Variants in EML4 observed in about 807,000 individuals in gnomAD.
EML4 encodes the protein echinoderm microtubule-associated protein-like 4.
A neutral mutation model predicts 129.0 loss-of-function variants in EML4; 72 were observed. The ratio of observed to expected loss-of-function variants is 0.56; its 90% CI spans 0.46 to 0.68. EML4 has a LOEUF of 0.68. Ranked by LOEUF, EML4 falls within the 30% of genes least tolerant of loss-of-function variation. The pLI is 0.00. For synonymous variants in EML4, 532 were observed against 405.0 expected, an observed-to-expected ratio of 1.31 and a Z score of -3.77; for missense variants, 1,363 against 1,190.6, an observed-to-expected ratio of 1.14 and a Z score of -2.13.
intron 2 of EML4, among the ~76,000 whole-genome samples, chr2:42,250,828 C>T (rs1373759269): frequency 1.3e-5 from 2 of 152,104 alleles, no homozygotes; most frequent in African/African-American, 4.8e-5. Flanking sequence ...AATAATTATA[C>T]AACTCACCAT....
At chr2:42,315,600 A>AC (rs1471292746) in intron 17 of EML4, among the ~76,000 whole-genome samples, 1 of 152,260 alleles carries the variant, frequency 6.6e-6, no homozygotes, top group East Asian at 1.9e-4. Context: ...CTGTCTGGGC[A>AC]CAGTGGCACA....
At chr2:42,258,315 T>C (rs930726716) in intron 3 of EML4, among the ~76,000 whole-genome samples, 4 of 152,062 alleles carry the variant, frequency 2.6e-5, no homozygotes, top group Admixed American at 6.6e-5. Flanking sequence ...GTTGGACATA[T>C]TGGAACTCAG....
At chr2:42,306,750 C>T (rs1399035949) in intron 17 of EML4, among the ~76,000 whole-genome samples, 1 of 151,572 alleles carries the variant, frequency 6.6e-6, no homozygotes, top group African/African-American at 2.4e-5. Flanking sequence ...CCTCCCGCCT[C>T]GGCCTCCCAA....
chr2:42,323,851 G>A (rs1420720183), intron 19 of EML4, among the ~76,000 whole-genome samples: 1 of 151,728 alleles, frequency 6.6e-6, no homozygotes, highest in East Asian at 1.9e-4. Flanking sequence ...GGCTGAGGTG[G>A]GAGGATCACT....
chr2:42,264,136 G>T (rs550684196), intron 5 of EML4, among the ~76,000 whole-genome samples: 192 of 111,634 alleles, frequency 1.7e-3, no homozygotes, highest in African/African-American at 5.8e-3. Flanking sequence ...TTTTGAGACA[G>T]TGTCTCAGTC....
At chr2:42,253,011 T>A (rs1324908006) in intron 2 of EML4, among the ~76,000 whole-genome samples, 2 of 152,148 alleles carry the variant, frequency 1.3e-5, no homozygotes, top group Non-Finnish European at 2.9e-5. Flanking sequence ...AGGATTATAA[T>A]TGGTCCTGAG....
intron 1 of EML4, among the ~76,000 whole-genome samples, chr2:42,225,722 A>T (rs1318823970): frequency 1.3e-5 from 2 of 152,142 alleles, no homozygotes; most frequent in Non-Finnish European, 2.9e-5. Flanking sequence ...CTCCCTGCAG[A>T]TAGAAGTTTG....
chr2:42,329,125 G>C, intron 22 of EML4, 109 bp downstream of exon 22: 1 of 1,108,660 alleles, frequency 9.0e-7, no homozygotes, highest in African/African-American at 1.6e-5. Flanking sequence ...TGATACTCCA[G>C]TGCACAGAGG....
Position 42,280,838 on chromosome 2 carries a change from G to A in EML4, c.668-12G>A. ...ATACGTATGACTTAACTTTTGTCTT[G>A]TGTTTCAACAGAAGGAGAATATATT... On this transcript the variant is annotated splice_polypyrimidine_tract_variant and intron_variant, in intron 6 of 22. Transcript: ENST00000318522. 6.3e-7 allele frequency: 1 copy of A among 1,598,052 alleles called. No individual in the cohort carries two copies. Among genetic ancestry groups the A allele is most frequent in the South Asian group, 1.1e-5 (1 of 88,306 alleles).
At chr2:42,213,206 A>C (rs993992310) in intron 1 of EML4, among the ~76,000 whole-genome samples, 1 of 152,172 alleles carries the variant, frequency 6.6e-6, no homozygotes, top group African/African-American at 2.4e-5. Flanking sequence ...CAGATCACAA[A>C]ACATTACCAG....
At chr2:42,326,083 A>C in intron 20 of EML4, 71 bp from the exon 21 acceptor site, 1 of 1,578,818 alleles carries the variant, frequency 6.3e-7, no homozygotes, top group Non-Finnish European at 8.6e-7. Flanking sequence ...GGCTAGTTTG[A>C]ATCAAGATGC....
chr2:42,291,398 CTTTTTTTTTTT>C (rs5830720), intron 11 of EML4, among the ~76,000 whole-genome samples: 27 of 123,122 alleles, frequency 2.2e-4, no homozygotes, highest in Non-Finnish European at 1.8e-4. Flanking sequence ...ATCAAGACAC[CTTTTTTTTTTT>C]TTTTTTTTTT....
At chr2:42,325,604 A>T (rs750809027) in intron 20 of EML4, 50 bp downstream of exon 20, 48 of 37,928 alleles carry the variant, frequency 1.3e-3, no homozygotes, top group Middle Eastern at 0.017. Flanking sequence ...GATTATATTT[A>T]TATATATATA....
chr2:42,322,673 T>C (rs944544420), intron 19 of EML4, among the ~76,000 whole-genome samples: 2 of 152,256 alleles, frequency 1.3e-5, no homozygotes, highest in African/African-American at 4.8e-5. Context: ...ACTTTTTTGT[T>C]TGTCTTCAAG....
chr2:42,246,473 A>C (rs1675408027), intron 2 of EML4, among the ~76,000 whole-genome samples: 1 of 152,180 alleles, frequency 6.6e-6, no homozygotes, highest in Admixed American at 6.5e-5. Context: ...TTATTAACCT[A>C]GGGAGGAGTT....
chr2:42,329,118 T>C (rs1375882138), intron 22 of EML4, 102 bp downstream of exon 22: 48 of 1,207,448 alleles, frequency 4.0e-5, no homozygotes, highest in Non-Finnish European at 5.0e-5. Flanking sequence ...CTCTCCATGA[T>C]ACTCCAGTGC....
Position 42,331,794 on chromosome 2 carries a change from A to G in EML4, c.*1587A>G. ...CATTTATATTCACACGCTGTATGGA[A>G]GGGTGTGGGTGTGTGTGAAGGGGCG... On this transcript the variant is annotated 3_prime_UTR_variant, in exon 23 of 23. Transcript: ENST00000318522. The G allele has an allele frequency of 4.5e-6, 1 of 222,040 alleles. No individual in the cohort carries two copies. The highest frequency in any genetic ancestry group is 9.0e-6 in the Non-Finnish European group (1 of 110,722). 13.8% of individuals were successfully genotyped at this position (222,040 alleles called of 1,614,324 possible).
At chr2:42,325,601 T>TATATATATATATATATA (rs769508162) in intron 20 of EML4, 47 bp downstream of exon 20, 1 of 127,058 alleles carries the variant, frequency 7.9e-6, no homozygotes, top group Non-Finnish European at 1.5e-5. Context: ...TATGATTATA[T>TATATATATATATATATA]TTATATATAT....
chr2:42,263,344 A>T (rs370198065), intron 5 of EML4, 38 bp downstream of exon 5: 2 of 1,565,050 alleles, frequency 1.3e-6, no homozygotes, highest in Admixed American at 3.7e-5. Context: ...CTGAAAAGTA[A>T]TAATTATTTG....
Sources: gnomAD v4.1 joint callset for allele counts (sites outside exome capture counted in the v4.1 genomes callset) on GRCh38, gnomAD v4.1.1 for gene constraint, MANE v1.5 for transcripts, NCBI Gene and HGNC (gene_info 2026-07-23, HGNC 2026-07-21) for gene names.